Variants in COLEC12 observed in about 807,000 individuals in gnomAD.
COLEC12 encodes the protein collectin subfamily member 12, also known as collectin-12.
A neutral mutation model predicts 71.1 loss-of-function variants in COLEC12; 33 were observed. The observed-to-expected ratio is 0.46, with a 90% CI of 0.35 to 0.62. The LOEUF (loss-of-function observed/expected upper bound fraction) is 0.62, where lower values mean the gene tolerates loss of function less well. Ranked by LOEUF, COLEC12 falls within the 20% of genes least tolerant of loss-of-function variation. The pLI is 0.00. For synonymous variants in COLEC12, 350 were observed against 353.0 expected (o/e 0.99, Z 0.10); for missense variants, 765 against 916.1 (o/e 0.84, Z 2.13).
chr18:372,468 A>G (rs1001548013), intron 2 of COLEC12, among the ~76,000 whole-genome samples: 11 of 152,094 alleles, frequency 7.2e-5, no homozygotes, highest in Non-Finnish European at 1.0e-4. Context: ...CCCAGGCTAG[A>G]GTGCAGTGGC....
chr18:363,845 T>TC (rs1426890405), intron 2 of COLEC12, among the ~76,000 whole-genome samples: 1 of 152,154 alleles, frequency 6.6e-6, no homozygotes, highest in Non-Finnish European at 1.5e-5. Context: ...GTAATTTAGT[T>TC]CCCCAAATAC....
Position 500,048 on chromosome 18 carries a change from A to G in COLEC12, c.7+460T>C. On this transcript the variant is annotated intron_variant, in intron 1 of 9. Transcript: ENST00000400256. This position sits in a 1 kb window ranked among gnomAD's most constrained non-coding sequence, Gnocchi z 5.3. ...GCACGGAGAACATCCCCAGTCCCGG[A>G]GAAAACACCCGGCCGCCAGCGCGGG... Among the ~76,000 whole-genome samples the G allele has an allele frequency of 6.6e-6, 1 of 152,192 alleles. No homozygotes were observed. The highest frequency in any genetic ancestry group is 1.5e-5 in the Non-Finnish European group (1 of 68,028).
At chr18:322,522 C>T (rs621636) in intron 8 of COLEC12, among the ~76,000 whole-genome samples, 27,317 of 152,194 alleles carry the variant, frequency 0.18, 3,013 homozygotes, top group East Asian at 0.35. Flanking sequence ...TTGGATGCTG[C>T]TGCTCAGAAC....
chr18:350,324 C>A (rs1439881254), intron 3 of COLEC12, among the ~76,000 whole-genome samples: 2 of 152,028 alleles, frequency 1.3e-5, no homozygotes, highest in East Asian at 3.9e-4. Context: ...GTGCCTTTTG[C>A]CTCCCACCAT....
chr18:329,388 C>G (rs1032854644), intron 8 of COLEC12, among the ~76,000 whole-genome samples: 1 of 152,172 alleles, frequency 6.6e-6, no homozygotes, highest in Admixed American at 6.5e-5. Flanking sequence ...TCCCAACTCT[C>G]TTAAAAAAAA....
At chr18:349,405 A>G (rs1488821874) in intron 3 of COLEC12, among the ~76,000 whole-genome samples, 3 of 152,212 alleles carry the variant, frequency 2.0e-5, no homozygotes, top group Non-Finnish European at 4.4e-5. Flanking sequence ...ATTTCAGAGG[A>G]TGTATGGGAA....
chr18:342,377 C>T (rs1914275150), intron 5 of COLEC12, among the ~76,000 whole-genome samples: 1 of 152,262 alleles, frequency 6.6e-6, no homozygotes, highest in South Asian at 2.1e-4. Context: ...GCCTTCGGCA[C>T]AGTCAGTCAG....
chr18:412,773 T>C (rs116114062), intron 2 of COLEC12, among the ~76,000 whole-genome samples: 4,500 of 152,218 alleles, frequency 0.03, 229 homozygotes, highest in African/African-American at 0.1. Context: ...TGTAGACACA[T>C]AATCCAGCAC....
chr18:377,214 T>C (rs1915132730), intron 2 of COLEC12, among the ~76,000 whole-genome samples: 1 of 152,214 alleles, frequency 6.6e-6, no homozygotes, highest in African/African-American at 2.4e-5. Context: ...CCCTGTGCTG[T>C]GACTCCTGTA....
At position 441,242 on chromosome 18, in the gene COLEC12, T is replaced by C. The variant is rs368420655; in HGVS notation, c.58+39465A>G. 4.7e-4 allele frequency among the ~76,000 whole-genome samples: 71 copies of C among 151,904 alleles called. 1 individual carries two copies. Among genetic ancestry groups the C allele is most frequent in the Middle Eastern group, 6.8e-3 (2 of 294 alleles). Reference sequence around the variant, plus strand: ...CAGCCTGGGCGACAGAGCGAGACTCTGTCTCAAAAAATAAATAAATAAATA... The same window carrying C: ...CAGCCTGGGCGACAGAGCGAGACTCCGTCTCAAAAAATAAATAAATAAATA... On this transcript the variant is annotated intron_variant, in intron 2 of 9. Coordinates refer to ENST00000400256, the MANE Select transcript of COLEC12 (RefSeq NM_130386.3).
At chr18:465,680 C>A (rs528266252) in intron 2 of COLEC12, among the ~76,000 whole-genome samples, 1 of 152,184 alleles carries the variant, frequency 6.6e-6, no homozygotes, top group East Asian at 1.9e-4. Context: ...TCAAAAGAGG[C>A]CTATTATCTT....
At chr18:373,139 A>C (rs1046671094) in intron 2 of COLEC12, among the ~76,000 whole-genome samples, 4 of 152,226 alleles carry the variant, frequency 2.6e-5, no homozygotes, top group African/African-American at 7.2e-5. Context: ...TCTTGATGAA[A>C]AATGGGAAAT....
Position 489,778 on chromosome 18 carries a change from G to A in COLEC12, c.8-9021C>T, listed in dbSNP as rs148502520. 6.6e-5 allele frequency among the ~76,000 whole-genome samples: 10 copies of A among 152,228 alleles called. No individual in the cohort carries two copies. In the East Asian group the frequency reaches 1.9e-3, roughly 29 times the overall value. ...TACGCTGTAACTGTATTAGAAAGGT[G>A]GACAGGAACAGGAGATACCTGCAAG... On this transcript the variant is annotated intron_variant, in intron 1 of 9. Transcript: ENST00000400256.
At chr18:409,961 G>A (rs1432831744) in intron 2 of COLEC12, among the ~76,000 whole-genome samples, 4 of 152,156 alleles carry the variant, frequency 2.6e-5, no homozygotes, top group Non-Finnish European at 4.4e-5. Context: ...AACTGGCTTC[G>A]AGACCTAGAT....
intron 8 of COLEC12, among the ~76,000 whole-genome samples, chr18:330,702 C>A (rs1211249390): frequency 6.6e-6 from 1 of 151,890 alleles, no homozygotes; most frequent in East Asian, 1.9e-4. Flanking sequence ...TCTAGGTTAT[C>A]CAAGAAGGTA....
chr18:381,803 A>G (rs1915237168), intron 2 of COLEC12, among the ~76,000 whole-genome samples: 1 of 152,234 alleles, frequency 6.6e-6, no homozygotes, highest in Admixed American at 6.5e-5. Flanking sequence ...TAGATAAAAC[A>G]ATAAATTCAT....
chr18:359,196 C>T (rs2032158), intron 2 of COLEC12, among the ~76,000 whole-genome samples: 45,384 of 151,946 alleles, frequency 0.3, 7,285 homozygotes, highest in African/African-American at 0.41. Context: ...TTTGTAAGAA[C>T]TTTGAGAGCT....
Position 494,231 on chromosome 18 carries a change from T to C in COLEC12, c.7+6277A>G, listed in dbSNP as rs1917669723. 2.0e-5 allele frequency among the ~76,000 whole-genome samples: 3 copies of C among 152,214 alleles called. No homozygotes were observed. In the South Asian group the frequency reaches 6.2e-4, roughly 32 times the overall value. On this transcript the variant is annotated intron_variant, in intron 1 of 9. Coordinates refer to ENST00000400256, the MANE Select transcript of COLEC12 (RefSeq NM_130386.3). ...TCCCTGAGGTCTGTTTTAACACATTTGCAATTTGAAAATTACTTTCATTTC... is the reference window on the plus strand; with the variant it reads ...TCCCTGAGGTCTGTTTTAACACATTCGCAATTTGAAAATTACTTTCATTTC...
At chr18:443,128 A>G (rs1001635859) in intron 2 of COLEC12, among the ~76,000 whole-genome samples, 1 of 152,254 alleles carries the variant, frequency 6.6e-6, no homozygotes, top group African/African-American at 2.4e-5. Flanking sequence ...ATACGGAATT[A>G]TATGGTACAT....
Sources: gnomAD v4.1 joint callset for allele counts (sites outside exome capture counted in the v4.1 genomes callset) on GRCh38, gnomAD v4.1.1 for gene constraint, Gnocchi (gnomAD v3.1) non-coding constraint, MANE v1.5 for transcripts, NCBI Gene and HGNC (gene_info 2026-07-23, HGNC 2026-07-21) for gene names.